Variants in PNPLA8 observed in about 807,000 individuals in gnomAD.
PNPLA8 encodes calcium-independent phospholipase A2-gamma.
PNPLA8 carries 39 observed loss-of-function variants against 76.9 expected under a neutral mutation model. The observed-to-expected ratio is 0.51, with a 90% CI of 0.39 to 0.66. The LOEUF is 0.66. PNPLA8 is among the 30% of genes least tolerant of loss of function. PNPLA8 has a pLI of 0.00. For missense variants in PNPLA8, 887 were observed against 918.0 expected, an observed-to-expected ratio of 0.97 and a Z score of 0.44; for synonymous variants, 301 against 307.9, an observed-to-expected ratio of 0.98 and a Z score of 0.24.
At chr7:108,488,295 A>G (rs1433678756) in intron 8 of PNPLA8, among the ~76,000 whole-genome samples, 1 of 152,238 alleles carries the variant, frequency 6.6e-6, no homozygotes, top group African/African-American at 2.4e-5. Context: ...AAAACTGCTT[A>G]AAGGCTGGGC....
intron 4 of PNPLA8, among the ~76,000 whole-genome samples, chr7:108,507,064 T>A: frequency 6.6e-6 from 1 of 152,108 alleles, no homozygotes; most frequent in Admixed American, 6.6e-5. Context: ...TCGGTGAGGC[T>A]GGGAGCGGTG....
At position 108,487,813 on chromosome 7, in the gene PNPLA8, T is replaced by G. The variant is rs780428083; in HGVS notation, c.1824A>C (p.Ser608=). The change falls in exon 9 of 11, where the codon TCA becomes TCC. Residue 608 remains serine (S), a synonymous_variant. Transcript: ENST00000257694. ...CTGCAAAGTAGCCTGGAGCAGCAGATGAGGCTCTAATGGCCTGCCACATTT... is the reference window on the plus strand; with the variant it reads ...CTGCAAAGTAGCCTGGAGCAGCAGAGGAGGCTCTAATGGCCTGCCACATTT... ...QYKMWQAIRA[S]SAAPGYFAEY... is the part of the protein sequence containing the mutation. 6.2e-7 allele frequency: 1 copy of G among 1,613,568 alleles called. No homozygotes were observed. The highest frequency in any genetic ancestry group is 8.5e-7 in the Non-Finnish European group (1 of 1,179,714).
intron 9 of PNPLA8, among the ~76,000 whole-genome samples, chr7:108,486,044 G>A (rs1003131841): frequency 2.6e-5 from 4 of 152,102 alleles, no homozygotes; most frequent in East Asian, 1.9e-4. Context: ...ATGTCTAAGC[G>A]TGAACAGAAA....
intron 10 of PNPLA8, among the ~76,000 whole-genome samples, chr7:108,474,860 A>G (rs1859873817): frequency 6.6e-6 from 1 of 152,246 alleles, no homozygotes; most frequent in Non-Finnish European, 1.5e-5. Context: ...CAGCAGATGT[A>G]AGTCCTCCAA....
At chr7:108,523,111 T>C (rs150566266) in intron 1 of PNPLA8, among the ~76,000 whole-genome samples, 135 of 152,102 alleles carry the variant, frequency 8.9e-4, no homozygotes, top group Non-Finnish European at 1.7e-3. Context: ...ATAAATACAA[T>C]GGAGGTACGA....
intron 8 of PNPLA8, 21 bp from the exon 9 acceptor site, chr7:108,487,974 C>T: frequency 1.4e-6 from 2 of 1,426,422 alleles, no homozygotes; most frequent in East Asian, 2.3e-5. Context: ...AAAAAGTGAA[C>T]AATTCCATCA....
chr7:108,502,442 C>CAAAAAAAAAAA, intron 5 of PNPLA8, 49 bp downstream of exon 5: 3 of 623,266 alleles, frequency 4.8e-6, no homozygotes, highest in African/African-American at 5.1e-5. Context: ...AACTCCATCT[C>CAAAAAAAAAAA]AAAAAAAAAA....
At position 108,522,603 on chromosome 7, in the gene PNPLA8, T is replaced by C. The variant is rs571607040; in HGVS notation, c.-129-1082A>G. ...GGCATCTGACCACCTTGGGCACATG[T>C]CAGCAGGACCTCCTGAGGCTGTGTC... On this transcript the variant is annotated intron_variant, in intron 1 of 10. Coordinates refer to ENST00000257694, the MANE Select transcript of PNPLA8 (RefSeq NM_001256007.3). Among the ~76,000 whole-genome samples the C allele has an allele frequency of 3.9e-4, 59 of 152,304 alleles. 1 individual carries two copies. Among genetic ancestry groups the C allele is most frequent in the African/African-American group, 1.4e-3 (58 of 41,568 alleles).
At position 108,515,207 on chromosome 7, in the gene PNPLA8, T is replaced by G; in HGVS notation, c.285A>C (p.Thr95=). Reference sequence around the variant, plus strand: ...TACGGGACATACAAATGTTCACTTTTGTAAGTCCCTTGGGAGCAGAAGTGC... The same window carrying G: ...TACGGGACATACAAATGTTCACTTTGGTAAGTCCCTTGGGAGCAGAAGTGC... The part of the protein sequence containing the change: ...KLSTSAPKGL[T]KVNICMSRIK... The change falls in exon 3 of 11, where the codon ACA becomes ACC. Residue 95 remains threonine, a synonymous_variant. Transcript: ENST00000257694. The G allele has an allele frequency of 6.2e-7, 1 of 1,604,610 alleles. No individual in the cohort carries two copies. Among genetic ancestry groups the G allele is most frequent in the South Asian group, 1.1e-5 (1 of 90,610 alleles).
rs1449250866 is a variant in PNPLA8 at position 108,510,615 on chromosome 7, C to T, written c.1206+3529G>A. ...ACCTTTGTGAAGCTCAACAAGGCTT[C>T]GACTAACATGCTGAGGATTGTAGAG... On this transcript the variant is annotated intron_variant, in intron 4 of 10. Coordinates refer to ENST00000257694, the MANE Select transcript of PNPLA8 (RefSeq NM_001256007.3). 5 of 1,559,170 alleles carry T rather than the reference C, an allele frequency of 3.2e-6. No individual in the cohort carries two copies. In the South Asian group the frequency reaches 3.3e-5, roughly 10 times the overall value.
At chr7:108,474,898 A>G (rs980776170) in intron 10 of PNPLA8, among the ~76,000 whole-genome samples, 1 of 152,130 alleles carries the variant, frequency 6.6e-6, no homozygotes, top group African/African-American at 2.4e-5. Flanking sequence ...AAATTGTGTC[A>G]GATATTCTAG....
At position 108,479,302 on chromosome 7, in the gene PNPLA8, T is replaced by TA; in HGVS notation, c.1955dup (p.Leu652PhefsTer13). ...CAGTGCCCAGGGATACTATGCACTC[T>TA]AACGGCACATCTGGCCAAAGACATT... On this transcript the variant is annotated frameshift_variant, in exon 10 of 11. Transcript: ENST00000257694. LOFTEE classifies it high-confidence loss of function. 6.2e-7 allele frequency: 1 copy of TA among 1,612,556 alleles called. No individual in the cohort carries two copies. The highest frequency in any genetic ancestry group is 8.5e-7 in the Non-Finnish European group (1 of 1,178,544).
intron 4 of PNPLA8, among the ~76,000 whole-genome samples, chr7:108,511,730 C>A (rs552290118): frequency 9.2e-5 from 14 of 152,244 alleles, no homozygotes; most frequent in African/African-American, 3.4e-4. Context: ...TGGATCTAAT[C>A]AGTTACATAA....
At position 108,526,070 on chromosome 7, in the gene PNPLA8, G is replaced by A; in HGVS notation, c.-171C>T. ...GTCACTAGGGCTGCAGCGGCGACTC[G>A]CTCGTTCCCGGCAATGACGTCCACT... On this transcript the variant is annotated 5_prime_UTR_variant, in exon 1 of 11. Transcript: ENST00000257694. 1.0e-6 allele frequency: 1 copy of A among 985,660 alleles called. No homozygotes were observed. Among genetic ancestry groups the A allele is most frequent in the Non-Finnish European group, 1.2e-6 (1 of 830,048 alleles). 61.1% of individuals were successfully genotyped at this position (985,660 alleles called of 1,614,324 possible).
intron 9 of PNPLA8, among the ~76,000 whole-genome samples, chr7:108,482,720 C>T (rs1860484964): frequency 6.6e-6 from 1 of 152,004 alleles, no homozygotes; most frequent in South Asian, 2.1e-4. Flanking sequence ...ATACAGATTC[C>T]CTATGTTTTG....
chr7:108,480,933 T>C (rs1446306502), intron 9 of PNPLA8, among the ~76,000 whole-genome samples: 1 of 152,102 alleles, frequency 6.6e-6, no homozygotes, highest in African/African-American at 2.4e-5. Flanking sequence ...ACTGATCTGT[T>C]TTCTGCCACT....
chr7:108,505,438 C>T (rs1166016519), intron 4 of PNPLA8, among the ~76,000 whole-genome samples: 2 of 141,934 alleles, frequency 1.4e-5, no homozygotes, highest in Non-Finnish European at 3.0e-5. Context: ...TCTCAGCTCA[C>T]CGCAACCTCC....
intron 10 of PNPLA8, among the ~76,000 whole-genome samples, chr7:108,473,593 T>C (rs550734771): frequency 4.5e-4 from 68 of 152,364 alleles, no homozygotes; most frequent in Non-Finnish European, 8.2e-4. Context: ...TTTTGCATTA[T>C]AGAGGTAGTG....
chr7:108,518,689 T>C (rs1863513882), intron 2 of PNPLA8, among the ~76,000 whole-genome samples: 1 of 146,672 alleles, frequency 6.8e-6, no homozygotes, highest in Non-Finnish European at 1.5e-5. Flanking sequence ...AAAAAAGCAA[T>C]CTGCAGTTCT....
Sources: gnomAD v4.1 joint callset for allele counts (sites outside exome capture counted in the v4.1 genomes callset) on GRCh38, gnomAD v4.1.1 for gene constraint, MANE v1.5 for transcripts, NCBI Gene and HGNC (gene_info 2026-07-23, HGNC 2026-07-21) for gene names.